Variants in FMNL2 observed in about 807,000 individuals in gnomAD.
FMNL2 encodes formin like 2, also known as formin-like protein 2.
FMNL2 carries 51 observed loss-of-function variants against 130.2 expected under a neutral mutation model. The ratio of observed to expected loss-of-function variants is 0.39; its 90% CI spans 0.31 to 0.49. The LOEUF is 0.49. FMNL2 is among the 20% of genes least tolerant of loss of function. The pLI, the probability that FMNL2 is intolerant of heterozygous loss-of-function variation, is 0.85. For synonymous variants in FMNL2, 465 were observed against 467.1 expected (o/e 1.00, Z 0.06); for missense variants, 977 against 1,316.2 (o/e 0.74, Z 3.99).
chr2:152,375,721 T>C (rs1684115537), intron 1 of FMNL2, among the ~76,000 whole-genome samples: 1 of 152,016 alleles, frequency 6.6e-6, no homozygotes, highest in African/African-American at 2.4e-5. Context: ...GTTGGCTTTC[T>C]CATTTGGAAT....
At chr2:152,528,766 G>A (rs753472221) in intron 2 of FMNL2, among the ~76,000 whole-genome samples, 1 of 152,136 alleles carries the variant, frequency 6.6e-6, no homozygotes, top group Non-Finnish European at 1.5e-5. Context: ...GATTCACATA[G>A]TAAGGTTTTA....
chr2:152,356,879 A>G (rs184365183), intron 1 of FMNL2, among the ~76,000 whole-genome samples: 261 of 151,674 alleles, frequency 1.7e-3, no homozygotes, highest in African/African-American at 6.1e-3. Flanking sequence ...TCTTTCATGC[A>G]TGAATTTAGA....
chr2:152,412,719 G>A (rs1686389539), intron 1 of FMNL2, among the ~76,000 whole-genome samples: 1 of 151,546 alleles, frequency 6.6e-6, no homozygotes, highest in South Asian at 2.1e-4. Flanking sequence ...GAGGTGGGAG[G>A]ATCACTTGAA....
At chr2:152,473,490 A>G (rs1256694540) in intron 1 of FMNL2, among the ~76,000 whole-genome samples, 1 of 152,144 alleles carries the variant, frequency 6.6e-6, no homozygotes, top group African/African-American at 2.4e-5. Flanking sequence ...GGGAATATAG[A>G]TCTCTGTTTT....
At chr2:152,466,017 A>G (rs1028477376) in intron 1 of FMNL2, among the ~76,000 whole-genome samples, 30 of 152,202 alleles carry the variant, frequency 2.0e-4, no homozygotes, top group Admixed American at 1.1e-3. Context: ...GAAGCACTGG[A>G]CTAGGATTTG....
At chr2:152,406,608 T>C (rs775506329) in intron 1 of FMNL2, among the ~76,000 whole-genome samples, 1 of 152,204 alleles carries the variant, frequency 6.6e-6, no homozygotes, top group African/African-American at 2.4e-5. Context: ...TTTTGACAAA[T>C]GATGTTTGTG....
intron 1 of FMNL2, among the ~76,000 whole-genome samples, chr2:152,366,947 T>C (rs772304796): frequency 6.6e-6 from 1 of 152,164 alleles, no homozygotes; most frequent in African/African-American, 2.4e-5. Flanking sequence ...ATTGCACCAC[T>C]GTATTCCAGC....
At chr2:152,605,133 G>C (rs1248720564) in intron 9 of FMNL2, among the ~76,000 whole-genome samples, 1 of 151,896 alleles carries the variant, frequency 6.6e-6, no homozygotes, top group Non-Finnish European at 1.5e-5. Context: ...AGCTGAGGAG[G>C]GGGGCAGAAC....
intron 3 of FMNL2, among the ~76,000 whole-genome samples, chr2:152,548,538 A>T (rs1267198569): frequency 6.6e-6 from 1 of 152,140 alleles, no homozygotes; most frequent in Non-Finnish European, 1.5e-5. Flanking sequence ...GCATGTTGTC[A>T]TTTGTGTCTC....
At chr2:152,462,625 C>A (rs1689310963) in intron 1 of FMNL2, among the ~76,000 whole-genome samples, 2 of 152,118 alleles carry the variant, frequency 1.3e-5, no homozygotes, top group African/African-American at 4.8e-5. Flanking sequence ...AAGAAGGAAC[C>A]ACATCAATAC....
chr2:152,578,649 C>T (rs1187984088), intron 7 of FMNL2: 9 of 332,516 alleles, frequency 2.7e-5, no homozygotes, highest in Admixed American at 4.7e-5. Flanking sequence ...GCTGTACCCC[C>T]CGCCTCAGCC....
intron 1 of FMNL2, among the ~76,000 whole-genome samples, chr2:152,414,050 C>T (rs1332409537): frequency 3.3e-5 from 5 of 152,030 alleles, no homozygotes; most frequent in African/African-American, 7.2e-5. Flanking sequence ...TTGATGTACA[C>T]GAGCTTATGT....
intron 1 of FMNL2, among the ~76,000 whole-genome samples, chr2:152,408,538 A>AT (rs1357791037): frequency 6.6e-6 from 1 of 151,890 alleles, no homozygotes; most frequent in Non-Finnish European, 1.5e-5. Context: ...TGTGTGTGAG[A>AT]TTTTGTTTCT....
intron 21 of FMNL2, among the ~76,000 whole-genome samples, chr2:152,633,819 T>G (rs777255765): frequency 5.9e-5 from 9 of 152,226 alleles, no homozygotes; most frequent in Non-Finnish European, 1.3e-4. Context: ...AATGGTGTCA[T>G]TTGAAAAACA....
chr2:152,353,643 C>T (rs372800095), intron 1 of FMNL2, among the ~76,000 whole-genome samples: 69 of 152,232 alleles, frequency 4.5e-4, no homozygotes, highest in Middle Eastern at 6.8e-3. Context: ...TAGCCACATC[C>T]GTCATGAGCT....
chr2:152,579,006 G>T, intron 8 of FMNL2, 42 bp downstream of exon 8: 1 of 1,507,390 alleles, frequency 6.6e-7, no homozygotes, highest in Non-Finnish European at 9.2e-7. Flanking sequence ...TCTATCTAGA[G>T]AAAACAGAGG....
intron 1 of FMNL2, among the ~76,000 whole-genome samples, chr2:152,478,515 T>C (rs1165924079): frequency 1.3e-5 from 2 of 151,980 alleles, no homozygotes; most frequent in African/African-American, 4.8e-5. Flanking sequence ...GGATTATAGG[T>C]GTGAGCTACT....
intron 1 of FMNL2, among the ~76,000 whole-genome samples, chr2:152,384,640 C>T (rs984126073): frequency 3.3e-5 from 5 of 152,140 alleles, no homozygotes; most frequent in African/African-American, 7.2e-5. Context: ...CTCTTCTCCT[C>T]GGTTCAGTGG....
At chr2:152,421,299 C>T (rs1312749313) in intron 1 of FMNL2, among the ~76,000 whole-genome samples, 4 of 152,264 alleles carry the variant, frequency 2.6e-5, no homozygotes, top group Admixed American at 1.3e-4. Context: ...GGTATTTGAA[C>T]CAACCACAAA....
Sources: allele counts gnomAD v4.1 joint callset (sites outside exome capture counted in the v4.1 genomes callset), GRCh38; gene constraint gnomAD v4.1.1; transcripts MANE v1.5; gene names NCBI Gene and HGNC (gene_info 2026-07-23, HGNC 2026-07-21).